MTMR4: variants seen among roughly 807,000 people sequenced by gnomAD.
MTMR4 encodes the protein myotubularin related protein 4.
Under a neutral mutation model 125.5 loss-of-function variants are expected in MTMR4, and 30 were observed. The ratio of observed to expected loss-of-function variants is 0.24; its 90% CI spans 0.18 to 0.32. The LOEUF is 0.32. Ranked by LOEUF, MTMR4 falls within the 10% of genes least tolerant of loss-of-function variation. The probability of loss-of-function intolerance (pLI) is 1.00; values close to 1 mark genes in which losing one functional copy is unlikely to be tolerated. For missense variants in MTMR4, 1,039 were observed against 1,511.5 expected (o/e 0.69, Z 5.18); for synonymous variants, 498 against 564.5 (o/e 0.88, Z 1.67).
chr17:58,517,724 ACT>A (rs948797340), upstream of MTMR4: 1 of 152,618 alleles, frequency 6.6e-6, no homozygotes, highest in African/African-American at 2.4e-5. Flanking sequence ...AGAAGGCGGG[ACT>A]CAGGAAAGCC....
In MTMR4 at chr17:58,504,929, C is replaced by T. The variant is rs979777570; in HGVS notation, c.1191G>A (p.Ser397=). The T allele has an allele frequency of 4.3e-6, 7 of 1,613,598 alleles. No individual in the cohort carries two copies. The highest frequency in any genetic ancestry group is 2.2e-5 in the East Asian group (1 of 44,876). Residue 397 remains serine (S), a synonymous_variant, in exon 11 of 18, where the codon TCG becomes TCA. Transcript: ENST00000682306. The surrounding 1 kb of genome is among the most constrained non-coding windows in gnomAD (Gnocchi z 7.1). ...LESTKWLQHL[S]VMLKAAVLVA... Reference sequence around the variant, plus strand: ...CCAGCACAGCTGCTTTTAGCATCACCGACAAGTGCTGCAGCCATTTGGTAC... The same window carrying T: ...CCAGCACAGCTGCTTTTAGCATCACTGACAAGTGCTGCAGCCATTTGGTAC...
In MTMR4 at chr17:58,508,456, C is replaced by T. The variant is rs764415280; in HGVS notation, c.593+12G>A. The T allele has an allele frequency of 4.3e-6, 7 of 1,613,916 alleles. No individual in the cohort carries two copies. Among genetic ancestry groups the T allele is most frequent in the Non-Finnish European group, 5.9e-6 (7 of 1,179,786 alleles). On this transcript the variant is annotated intron_variant, in intron 6 of 17. Coordinates refer to ENST00000682306, the MANE Select transcript of MTMR4 (RefSeq NM_001378067.1). The surrounding 1 kb of genome is among the most constrained non-coding windows in gnomAD (Gnocchi z 4.8). Reference sequence around the variant, plus strand: ...TTGGTGTGGAAGGTGTTTTGGTCCCCAACCCTCTCACTTGTAGTTGCTGTT... The same window carrying T: ...TTGGTGTGGAAGGTGTTTTGGTCCCTAACCCTCTCACTTGTAGTTGCTGTT...
At position 58,491,236 on chromosome 17, in the gene MTMR4, C is replaced by T. The variant is rs181166910; in HGVS notation, c.*427G>A. On this transcript the variant is annotated 3_prime_UTR_variant, in exon 18 of 18. Coordinates refer to ENST00000682306, the MANE Select transcript of MTMR4 (RefSeq NM_001378067.1). Reference sequence around the variant, plus strand: ...TTCATCTCAAATAGGACAGGAATTCCTACCTTGTATACTATAATCTGCTTT... The same window carrying T: ...TTCATCTCAAATAGGACAGGAATTCTTACCTTGTATACTATAATCTGCTTT... 2 of 154,452 alleles carry T rather than the reference C, an allele frequency of 1.3e-5. No homozygotes were observed. Among genetic ancestry groups the T allele is most frequent in the African/African-American group, 2.4e-5 (1 of 41,594 alleles). The allele number at this position is 154,452 out of a possible 1,614,324, so 9.6% of individuals were successfully genotyped here.
chr17:58,491,466 G>A lies in MTMR4; in HGVS notation c.*197C>T, dbSNP rs564803072. The stretch of plus-strand genomic sequence containing the variant: ...TGGGTTAGGACCATTACCCCAAGGT[G>A]AGGGTATCACCAGTAGAGGACCTCC... On this transcript the variant is annotated 3_prime_UTR_variant, in exon 18 of 18. Transcript: ENST00000682306. The A allele has an allele frequency of 4.0e-6, 2 of 495,046 alleles. No homozygotes were observed. The highest frequency in any genetic ancestry group is 3.6e-5 in the East Asian group (1 of 28,054). 30.7% of individuals were successfully genotyped at this position (495,046 alleles called of 1,614,324 possible). A position where few individuals can be genotyped will look rare whatever the true frequency, so the allele number is the denominator to read the frequency against.
In MTMR4 at chr17:58,495,698, C is replaced by T. The variant is rs764592128; in HGVS notation, c.2486G>A (p.Cys829Tyr). 1 of 1,614,166 alleles carries T rather than the reference C, an allele frequency of 6.2e-7. No individual in the cohort carries two copies. Among genetic ancestry groups the T allele is most frequent in the South Asian group, 1.1e-5 (1 of 91,078 alleles). The part of the protein sequence containing the change: ...CVLDHSLSTV[C>Y]NPPSAACQTP... ...TTGGCAGGCAGCACTCGGTGGGTTG[C>T]AAACGGTGCTGAGGCTGTGATCAAG... Residue 829 changes from cysteine (C) to tyrosine (Y), a missense_variant, in exon 15 of 18, where the codon TGC (cysteine) becomes TAC (tyrosine). This residue lies in a region of MTMR4 where 619 missense variants were observed against 714.5 expected (regional missense o/e 0.87). Transcript: ENST00000682306.
chr17:58,504,773 C>T lies in MTMR4; in HGVS notation c.1341+6G>A, dbSNP rs200568557. The T allele has an allele frequency of 6.1e-5, 97 of 1,591,478 alleles. No homozygotes were observed. In the East Asian group the frequency reaches 2.1e-3, roughly 35 times the overall value. ...TCTGGTTTTCCCACCGAATTCCTCT[C>T]AATACCTCCAACGTCCTGTAATATG... On this transcript the variant is annotated splice_donor_region_variant and intron_variant, in intron 11 of 17. Coordinates refer to ENST00000682306, the MANE Select transcript of MTMR4 (RefSeq NM_001378067.1). The surrounding 1 kb of genome is among the most constrained non-coding windows in gnomAD (Gnocchi z 7.1).
Position 58,504,002 on chromosome 17 carries a change from C to G in MTMR4, c.1698+48G>C. 6.5e-7 allele frequency: 1 copy of G among 1,540,364 alleles called. No individual in the cohort carries two copies. The highest frequency in any genetic ancestry group is 1.3e-5 in the South Asian group (1 of 78,644). ...TTTCCCTACTGACTCAGCTGCTTCTCCCTATAGGTTTCTAAATAGCACCTA... is the reference window on the plus strand; with the variant it reads ...TTTCCCTACTGACTCAGCTGCTTCTGCCTATAGGTTTCTAAATAGCACCTA... On this transcript the variant is annotated intron_variant, in intron 13 of 17. Transcript: ENST00000682306. The surrounding 1 kb of genome is among the most constrained non-coding windows in gnomAD (Gnocchi z 7.1).
chr17:58,496,408 C>A, intron 14 of MTMR4, 78 bp from the exon 15 acceptor site: 1 of 1,211,912 alleles, frequency 8.3e-7, no homozygotes, highest in Non-Finnish European at 1.1e-6. Context: ...ATCAATGGAG[C>A]AATATCAAAG....
At chr17:58,497,838 C>T (rs1355585138) in intron 14 of MTMR4, among the ~76,000 whole-genome samples, 1 of 131,526 alleles carries the variant, frequency 7.6e-6, no homozygotes, top group Non-Finnish European at 1.7e-5. Flanking sequence ...ATAAGAATGG[C>T]CAAGAGTGGG....
In MTMR4 at chr17:58,503,496, A is replaced by T. The variant is rs529019857; in HGVS notation, c.1853+248T>A. On this transcript the variant is annotated intron_variant, in intron 14 of 17. Coordinates refer to ENST00000682306, the MANE Select transcript of MTMR4 (RefSeq NM_001378067.1). ...AACCCCATCTCTACTAAAAATACAA[A>T]AAATTGGCTGGGCGTGGTGGTCGGT... 3.9e-5 allele frequency among the ~76,000 whole-genome samples: 6 copies of T among 152,180 alleles called. No individual in the cohort carries two copies. In the South Asian group the frequency reaches 1.2e-3, roughly 32 times the overall value.
chr17:58,493,924 C>T (rs1975381083), intron 15 of MTMR4, among the ~76,000 whole-genome samples: 1 of 152,080 alleles, frequency 6.6e-6, no homozygotes, highest in Non-Finnish European at 1.5e-5. Context: ...TGAGGCTGCC[C>T]AACACTGCAC....
chr17:58,501,577 A>G (rs1451672130), intron 14 of MTMR4, among the ~76,000 whole-genome samples: 2 of 151,634 alleles, frequency 1.3e-5, no homozygotes, highest in Non-Finnish European at 2.9e-5. Context: ...ATATGTGTGT[A>G]TATATATAGT....
rs1174646808 is a variant in MTMR4, at chr17:58,504,688, A to G, written c.1341+91T>C. The G allele has an allele frequency of 1.2e-5, 17 of 1,432,956 alleles. No homozygotes were observed. The highest frequency in any genetic ancestry group is 1.6e-5 in the Non-Finnish European group (17 of 1,058,092). The allele number at this position is 1,432,956 out of a possible 1,614,324, so 88.8% of individuals were successfully genotyped here. ...AAAAAAAGAGCCACCAATGTCCTCT[A>G]CTGAAAGATCCCCAGGACAGATCCA... On this transcript the variant is annotated intron_variant, in intron 11 of 17. Transcript: ENST00000682306. The surrounding 1 kb of genome is among the most constrained non-coding windows in gnomAD (Gnocchi z 7.1).
At position 58,504,919 on chromosome 17, in the gene MTMR4, T is replaced by G; in HGVS notation, c.1201A>C (p.Lys401Gln). The G allele has an allele frequency of 6.2e-7, 1 of 1,614,032 alleles. No individual in the cohort carries two copies. The highest frequency in any genetic ancestry group is 8.5e-7 in the Non-Finnish European group (1 of 1,179,950). Reference protein sequence around the residue: ...KWLQHLSVMLKAAVLVANTVD... With the variant: ...KWLQHLSVMLQAAVLVANTVD... ...GTATTAGCCACCAGCACAGCTGCTT[T>G]TAGCATCACCGACAAGTGCTGCAGC... Residue 401 changes from lysine to glutamine, a missense_variant, in exon 11 of 18, where the codon AAA (lysine) becomes CAA (glutamine). Lys to Gln is a moderately conservative substitution (Grantham distance 53, BLOSUM62 1). Coordinates refer to ENST00000682306, the MANE Select transcript of MTMR4 (RefSeq NM_001378067.1). This position sits in a 1 kb window ranked among gnomAD's most constrained non-coding sequence, Gnocchi z 7.1.
intron 17 of MTMR4, 104 bp from the exon 18 acceptor site, chr17:58,491,944 T>A: frequency 9.5e-7 from 1 of 1,051,910 alleles, no homozygotes; most frequent in Non-Finnish European, 1.3e-6. Flanking sequence ...GCTGAGGCAG[T>A]AGAATCGCTT....
chr17:58,508,383 A>G lies in MTMR4; in HGVS notation c.593+85T>C. 6.4e-7 allele frequency: 1 copy of G among 1,556,036 alleles called. No individual in the cohort carries two copies. The highest frequency in any genetic ancestry group is 1.1e-5 in the South Asian group (1 of 89,796). ...GAAACCATGAGCCTTCCTCCCTCTCAGACTCAGAAGCTGTGCCCACCACAC... is the reference window on the plus strand; with the variant it reads ...GAAACCATGAGCCTTCCTCCCTCTCGGACTCAGAAGCTGTGCCCACCACAC... On this transcript the variant is annotated intron_variant, in intron 6 of 17. Coordinates refer to ENST00000682306, the MANE Select transcript of MTMR4 (RefSeq NM_001378067.1). This position sits in a 1 kb window ranked among gnomAD's most constrained non-coding sequence, Gnocchi z 4.8.
chr17:58,498,186 C>T (rs1156859662), intron 14 of MTMR4, among the ~76,000 whole-genome samples: 8 of 151,912 alleles, frequency 5.3e-5, no homozygotes, highest in Admixed American at 5.2e-4. Flanking sequence ...TGCAGTGAGC[C>T]GAGATCGCAC....
chr17:58,505,335 G>A (rs1326809466), intron 10 of MTMR4, 137 bp downstream of exon 10: 2 of 696,804 alleles, frequency 2.9e-6, no homozygotes, highest in Non-Finnish European at 4.9e-6. Context: ...CTTGGAACTA[G>A]CCCACGGCAC....
chr17:58,510,056 C>T (rs759387926), intron 4 of MTMR4, among the ~76,000 whole-genome samples: 9 of 152,234 alleles, frequency 5.9e-5, no homozygotes, highest in Non-Finnish European at 1.3e-4. Context: ...ACTGCAATAG[C>T]TTCCTAACTA....
Sources: gnomAD v4.1 joint callset for allele counts (sites outside exome capture counted in the v4.1 genomes callset) on GRCh38, gnomAD v4.1.1 for gene constraint, gnomAD v4.1.1 regional missense constraint, Gnocchi (gnomAD v3.1) non-coding constraint, MANE v1.5 for transcripts, NCBI Gene and HGNC (gene_info 2026-07-23, HGNC 2026-07-21) for gene names.